DPP10: variants seen among roughly 807,000 people sequenced by gnomAD.
DPP10 encodes dipeptidyl peptidase like 10.
DPP10 carries 33 observed loss-of-function variants against 120.9 expected under a neutral mutation model. The ratio of observed to expected loss-of-function variants is 0.27; its 90% CI spans 0.21 to 0.37. The LOEUF (loss-of-function observed/expected upper bound fraction) is 0.37, where lower values mean the gene tolerates loss of function less well. Among genes scored for constraint, DPP10 ranks in the 10% least tolerant of loss-of-function variants. The probability of loss-of-function intolerance (pLI) is 1.00; values close to 1 mark genes in which losing one functional copy is unlikely to be tolerated. For missense variants in DPP10, 816 were observed against 942.8 expected (o/e 0.87, Z 1.76); for synonymous variants, 337 against 326.1 (o/e 1.03, Z -0.36).
intron 1 of DPP10, among the ~76,000 whole-genome samples, chr2:115,191,541 G>C (rs951356119): frequency 6.6e-6 from 1 of 152,222 alleles, no homozygotes; most frequent in Non-Finnish European, 1.5e-5. Context: ...AATAGAGTGA[G>C]GAAAGAAGAA....
Position 114,742,747 on chromosome 2 carries a change from T to G in DPP10, c.60+299909T>G, listed in dbSNP as rs147679968. ...CAGCAACACTGTGTGTTTAAGTGTT[T>G]TCTTATCCCACCATGTACATAATCA... On this transcript the variant is annotated intron_variant, in intron 1 of 25. Coordinates refer to ENST00000410059, the MANE Select transcript of DPP10 (RefSeq NM_020868.6). Among the ~76,000 whole-genome samples the G allele has an allele frequency of 6.7e-3, 1,027 of 152,334 alleles. 9 individuals are homozygous for G. The highest frequency in any genetic ancestry group is 0.023 in the African/African-American group (964 of 41,578).
intron 1 of DPP10, among the ~76,000 whole-genome samples, chr2:115,245,620 A>G (rs1044644620): frequency 6.6e-6 from 1 of 152,186 alleles, no homozygotes; most frequent in African/African-American, 2.4e-5. Flanking sequence ...CAGTAATCCC[A>G]ATATTGGGTA....
chr2:114,927,490 A>G (rs183994441), intron 1 of DPP10, among the ~76,000 whole-genome samples: 25 of 152,134 alleles, frequency 1.6e-4, no homozygotes, highest in African/African-American at 6.0e-4. Context: ...CTCCCTCCCC[A>G]CCCTGAGGGA....
At chr2:115,777,953 C>T in intron 15 of DPP10, 119 bp downstream of exon 15, 2 of 948,014 alleles carry the variant, frequency 2.1e-6, no homozygotes, top group East Asian at 5.1e-5. Flanking sequence ...GAAGAGCCAA[C>T]TTTGCTGACA....
intron 5 of DPP10, among the ~76,000 whole-genome samples, chr2:115,663,003 T>A (rs1041536229): frequency 6.6e-6 from 1 of 152,050 alleles, no homozygotes; most frequent in Non-Finnish European, 1.5e-5. Context: ...TATTTTATCT[T>A]TTTTTACAAT....
chr2:115,564,869 G>T (rs1326555020), intron 5 of DPP10, among the ~76,000 whole-genome samples: 3 of 152,244 alleles, frequency 2.0e-5, no homozygotes, highest in Admixed American at 1.3e-4. Flanking sequence ...AGTCAGTTGG[G>T]TTAGAGTGGG....
At chr2:115,363,245 G>A (rs117077334) in intron 3 of DPP10, among the ~76,000 whole-genome samples, 1 of 152,088 alleles carries the variant, frequency 6.6e-6, no homozygotes, top group Non-Finnish European at 1.5e-5. Context: ...ATTTGTCTCT[G>A]TCACCCACAT....
chr2:114,804,991 C>T lies in DPP10; in HGVS notation c.60+362153C>T, dbSNP rs182563897. On this transcript the variant is annotated intron_variant, in intron 1 of 25. Coordinates refer to ENST00000410059, the MANE Select transcript of DPP10 (RefSeq NM_020868.6). ...AATTCCCACATGTTGTGGGAGGGACCCAGGGGCAGGTAATTGAATCATGGG... is the reference window on the plus strand; with the variant it reads ...AATTCCCACATGTTGTGGGAGGGACTCAGGGGCAGGTAATTGAATCATGGG... Among the ~76,000 whole-genome samples, 137 of 152,182 alleles carry T rather than the reference C, an allele frequency of 9.0e-4. 1 individual carries two copies. Among genetic ancestry groups the T allele is most frequent in the Admixed American group, 1.6e-3 (24 of 15,304 alleles).
chr2:115,803,367 G>A (rs1294886418), intron 19 of DPP10, among the ~76,000 whole-genome samples: 3 of 152,120 alleles, frequency 2.0e-5, no homozygotes, highest in African/African-American at 4.8e-5. Context: ...CACACTGATG[G>A]TTCTTGACTC....
chr2:115,430,919 TAAATG>T (rs1050197115), intron 3 of DPP10, among the ~76,000 whole-genome samples: 6 of 152,302 alleles, frequency 3.9e-5, no homozygotes, highest in African/African-American at 1.4e-4. Flanking sequence ...TCTGAAATCT[TAAATG>T]AATCATATTG....
intron 1 of DPP10, among the ~76,000 whole-genome samples, chr2:114,516,484 T>A (rs1170413539): frequency 4.6e-5 from 7 of 152,192 alleles, no homozygotes; most frequent in Non-Finnish European, 1.0e-4. Context: ...GATGATGATT[T>A]TGTTCTCAGC....
At chr2:115,610,470 T>TATG (rs10637954) in intron 5 of DPP10, among the ~76,000 whole-genome samples, 150,083 of 151,948 alleles carry the variant, frequency 0.99, 74,149 homozygotes, top group East Asian at 1. Flanking sequence ...GCTTGAAGGC[T>TATG]ATGTACCACA....
chr2:115,085,090 G>C (rs1253654588), intron 1 of DPP10, among the ~76,000 whole-genome samples: 2 of 152,200 alleles, frequency 1.3e-5, no homozygotes, highest in African/African-American at 4.8e-5. Flanking sequence ...CTTATCTCTT[G>C]TAGAAGAATT....
At chr2:114,593,571 G>A (rs552796460) in intron 1 of DPP10, among the ~76,000 whole-genome samples, 11 of 151,914 alleles carry the variant, frequency 7.2e-5, no homozygotes, top group African/African-American at 2.7e-4. Context: ...CATCGCAGTC[G>A]GTCTTTTAAA....
At chr2:115,445,714 T>G (rs1385037076) in intron 3 of DPP10, among the ~76,000 whole-genome samples, 1 of 152,118 alleles carries the variant, frequency 6.6e-6, no homozygotes, top group Non-Finnish European at 1.5e-5. Flanking sequence ...AGCCTGACCA[T>G]GTGGTAGAAA....
At chr2:115,791,454 T>C in intron 19 of DPP10, 98 bp downstream of exon 19, 1 of 1,066,852 alleles carries the variant, frequency 9.4e-7, no homozygotes, top group South Asian at 1.7e-5. Flanking sequence ...AGAGAAGTCC[T>C]ATGTGTGTAG....
In DPP10 at chr2:114,823,362, C is replaced by G. The variant is rs114585887; in HGVS notation, c.60+380524C>G. On this transcript the variant is annotated intron_variant, in intron 1 of 25. Coordinates refer to ENST00000410059, the MANE Select transcript of DPP10 (RefSeq NM_020868.6). ...CCACCCCCATAATCTAATCACCCCC[C>G]ACGAAGTCCCTCAAGCAAAACATGG... Among the ~76,000 whole-genome samples, 464 of 152,200 alleles carry G rather than the reference C, an allele frequency of 3.0e-3. 2 individuals carry two copies. Among genetic ancestry groups the G allele is most frequent in the African/African-American group, 0.01 (416 of 41,534 alleles).
At chr2:115,468,712 G>T in intron 3 of DPP10, 1 of 373,108 alleles carries the variant, frequency 2.7e-6, no homozygotes, top group South Asian at 2.1e-5. Flanking sequence ...AAAAAGCTAT[G>T]ACCAAGGAAG....
At chr2:115,820,816 T>G (rs931667413) in intron 21 of DPP10, among the ~76,000 whole-genome samples, 4 of 151,482 alleles carry the variant, frequency 2.6e-5, no homozygotes, top group Non-Finnish European at 4.4e-5. Flanking sequence ...TGTGTGTGTG[T>G]GTGTGTGTGT....
Sources: allele counts gnomAD v4.1 joint callset (sites outside exome capture counted in the v4.1 genomes callset), GRCh38; gene constraint gnomAD v4.1.1; transcripts MANE v1.5; gene names NCBI Gene and HGNC (gene_info 2026-07-23, HGNC 2026-07-21).